BAZ2B: variants seen among roughly 807,000 people sequenced by gnomAD.
The protein encoded by BAZ2B is bromodomain adjacent to zinc finger domain 2B.
BAZ2B carries 91 observed loss-of-function variants against 246.0 expected under a neutral mutation model. The observed-to-expected ratio is 0.37, with a 90% CI of 0.31 to 0.44. BAZ2B has a LOEUF of 0.44. BAZ2B is among the 20% of genes least tolerant of loss of function. The pLI, the probability that BAZ2B is intolerant of heterozygous loss-of-function variation, is 1.00. For missense variants in BAZ2B, 2,332 were observed against 2,533.7 expected (o/e 0.92, Z 1.71); for synonymous variants, 855 against 860.0 (o/e 0.99, Z 0.10).
At chr2:159,411,415 T>G (rs2066817895) in intron 14 of BAZ2B, among the ~76,000 whole-genome samples, 1 of 152,216 alleles carries the variant, frequency 6.6e-6, no homozygotes, top group South Asian at 2.1e-4. Flanking sequence ...ATGAATAGAA[T>G]TAAGTCTTTT....
rs2068084620 is a variant in BAZ2B at position 159,347,533 on chromosome 2, C to T, written c.5407G>A (p.Val1803Ile). Residue 1803 changes from valine (V) to isoleucine (I), a missense_variant, in exon 31 of 37, where the codon GTA becomes ATA. Around this residue, in one of 9 missense-constraint regions of BAZ2B, gnomAD observed 676 missense variants for 668.6 expected, o/e 1.01. Coordinates refer to ENST00000392783, the MANE Select transcript of BAZ2B (RefSeq NM_013450.4). ...MEMDLSVLQQ[V>I]EDLERRVASA... ...GCAACTCTCCTTTCTAGATCTTCTA[C>T]CTGTTGAAGGACACTCAAATCCATT... The T allele has an allele frequency of 1.9e-6, 3 of 1,613,822 alleles. No individual in the cohort carries two copies. The highest frequency in any genetic ancestry group is 1.3e-5 in the African/African-American group (1 of 74,918).
At chr2:159,510,481 T>C (rs1354751677) in intron 2 of BAZ2B, among the ~76,000 whole-genome samples, 1 of 152,178 alleles carries the variant, frequency 6.6e-6, no homozygotes, top group Non-Finnish European at 1.5e-5. Flanking sequence ...GAGTTATTAT[T>C]ACTTAATGGT....
intron 21 of BAZ2B, among the ~76,000 whole-genome samples, chr2:159,388,430 C>T (rs1009684590): frequency 1.3e-5 from 2 of 152,044 alleles, no homozygotes; most frequent in East Asian, 3.9e-4. Flanking sequence ...CTATGGAAGA[C>T]AAAACACATA....
chr2:159,365,323 C>T (rs970057539), intron 27 of BAZ2B, among the ~76,000 whole-genome samples: 2 of 152,142 alleles, frequency 1.3e-5, no homozygotes, highest in Admixed American at 1.3e-4. Context: ...ATTGTCTGGT[C>T]CGGGTGACCT....
intron 7 of BAZ2B, 99 bp downstream of exon 7, chr2:159,438,910 A>G: frequency 7.5e-7 from 1 of 1,328,876 alleles, no homozygotes. Flanking sequence ...ACTCAAAGTA[A>G]TGATTAACTT....
intron 3 of BAZ2B, chr2:159,461,500 T>C (rs1436480785): frequency 6.6e-6 from 1 of 152,582 alleles, no homozygotes; most frequent in Non-Finnish European, 1.5e-5. Context: ...TCATTTTCAG[T>C]TTTTGTTTAT....
chr2:159,444,474 T>C (rs1293322881), intron 6 of BAZ2B: 1 of 152,126 alleles, frequency 6.6e-6, no homozygotes. Context: ...GAGAAGGAAA[T>C]TTAAAGATTT....
chr2:159,671,399 C>T, the BAZ2B span, among the ~76,000 whole-genome samples: 1 of 152,118 alleles, frequency 6.6e-6, no homozygotes, highest in Non-Finnish European at 1.5e-5. Context: ...CTATACGGGA[C>T]ATAAATAACT....
chr2:159,517,343 G>A (rs991349128), intron 2 of BAZ2B, among the ~76,000 whole-genome samples: 1 of 150,356 alleles, frequency 6.7e-6, no homozygotes, highest in Non-Finnish European at 1.5e-5. Flanking sequence ...TTCACTCTCT[G>A]AAATTTTTAG....
chr2:159,447,999 T>C lies in BAZ2B; in HGVS notation c.502+243A>G, dbSNP rs185316968. Among the ~76,000 whole-genome samples, 969 of 152,052 alleles carry C rather than the reference T, an allele frequency of 6.4e-3. 9 individuals are homozygous for C. The highest frequency in any genetic ancestry group is 8.1e-3 in the Non-Finnish European group (550 of 67,962). ...TTAAACACGTAGCTGGGCATAGTGGTACATGACTGTAGTCCTTGGGAGGCT... is the reference window on the plus strand; with the variant it reads ...TTAAACACGTAGCTGGGCATAGTGGCACATGACTGTAGTCCTTGGGAGGCT... On this transcript the variant is annotated intron_variant, in intron 5 of 36. Transcript: ENST00000392783.
intron 16 of BAZ2B, among the ~76,000 whole-genome samples, chr2:159,401,937 C>T (rs1403859023): frequency 6.6e-6 from 1 of 152,142 alleles, no homozygotes; most frequent in African/African-American, 2.4e-5. Flanking sequence ...TGCCTGCTCC[C>T]ATCTCCAGAT....
At chr2:159,552,213 A>G (rs932472850) in intron 2 of BAZ2B, among the ~76,000 whole-genome samples, 3 of 152,148 alleles carry the variant, frequency 2.0e-5, no homozygotes, top group African/African-American at 4.8e-5. Context: ...TTCCTCAAAT[A>G]AAAGAACATT....
chr2:159,327,997 G>A (rs1487363096), intron 34 of BAZ2B, among the ~76,000 whole-genome samples: 3 of 149,302 alleles, frequency 2.0e-5, no homozygotes, highest in African/African-American at 7.4e-5. Context: ...CCTAGGAGGT[G>A]GAGGTTGCAG....
the BAZ2B span, among the ~76,000 whole-genome samples, chr2:159,675,969 C>A: frequency 6.6e-6 from 1 of 152,184 alleles, no homozygotes; most frequent in Admixed American, 6.5e-5. Flanking sequence ...GATCTAGGCT[C>A]ACTGCAACCT....
In BAZ2B at chr2:159,491,486, C is replaced by T. The variant is rs2080454651; in HGVS notation, c.-2-12765G>A. Among the ~76,000 whole-genome samples the T allele has an allele frequency of 2.0e-5, 3 of 151,354 alleles. No individual in the cohort carries two copies. In the South Asian group the frequency reaches 6.3e-4, roughly 32 times the overall value. ...CTGTAATCCCAGCACTTTGGGAGGC[C>T]GAGGCGGGCGGATCACGAGGTCAGG... On this transcript the variant is annotated intron_variant, in intron 2 of 36. Transcript: ENST00000392783.
chr2:159,549,459 G>A (rs1442923429), intron 2 of BAZ2B, among the ~76,000 whole-genome samples: 1 of 152,164 alleles, frequency 6.6e-6, no homozygotes, highest in Non-Finnish European at 1.5e-5. Context: ...GTGCTAGACA[G>A]AATGAATCAT....
the BAZ2B span, among the ~76,000 whole-genome samples, chr2:159,636,614 G>C: frequency 0.4 from 60,788 of 151,948 alleles, 12,651 homozygotes; most frequent in African/African-American, 0.49. Flanking sequence ...AGACAGTCTA[G>C]GACACAAGGA....
At chr2:159,466,847 T>C (rs1214824947) in intron 3 of BAZ2B, among the ~76,000 whole-genome samples, 1 of 152,068 alleles carries the variant, frequency 6.6e-6, no homozygotes, top group African/African-American at 2.4e-5. Context: ...AGGTCCTCAA[T>C]GGATTAGATG....
In BAZ2B at chr2:159,349,026, A is replaced by T. The variant is rs2058280482; in HGVS notation, c.5118T>A (p.Ser1706Arg). ...ACCTACCTTCTGGAATAGGTTTTGG[A>T]CTAGGAAAATCTACTGGTTTTGCTA... Reference protein sequence around the residue: ...VEVAKPVDFPSPKPIPEEMQF... With the variant: ...VEVAKPVDFPRPKPIPEEMQF... The change falls in exon 29 of 37, where the codon AGT becomes AGA. Residue 1706 changes from serine (S) to arginine (R), a missense_variant. This residue lies in a region of BAZ2B where 676 missense variants were observed against 668.6 expected (regional missense o/e 1.01). Transcript: ENST00000392783. The T allele has an allele frequency of 6.2e-7, 1 of 1,613,958 alleles. No homozygotes were observed. Among genetic ancestry groups the T allele is most frequent in the South Asian group, 1.1e-5 (1 of 91,082 alleles).
Sources: gnomAD v4.1 joint callset for allele counts (sites outside exome capture counted in the v4.1 genomes callset) on GRCh38, gnomAD v4.1.1 for gene constraint, gnomAD v4.1.1 regional missense constraint, MANE v1.5 for transcripts, NCBI Gene and HGNC (gene_info 2026-07-23, HGNC 2026-07-21) for gene names.